LMO7: variants seen among roughly 807,000 people sequenced by gnomAD.
LMO7 encodes LIM domain only protein 7.
LMO7 carries 120 observed loss-of-function variants against 206.5 expected under a neutral mutation model. That is an observed-to-expected ratio of 0.58 (90% CI 0.50 to 0.68). The LOEUF (loss-of-function observed/expected upper bound fraction) is 0.68, where lower values mean the gene tolerates loss of function less well. LMO7 is among the 30% of genes least tolerant of loss of function. LMO7 has a pLI of 0.00. For synonymous variants in LMO7, 706 were observed against 681.5 expected (o/e 1.04, Z -0.56); for missense variants, 1,959 against 1,957.9 (o/e 1.00, Z -0.01).
At chr13:75,741,601 C>T (rs1484024861) in intron 3 of LMO7, among the ~76,000 whole-genome samples, 1 of 152,192 alleles carries the variant, frequency 6.6e-6, no homozygotes, top group Non-Finnish European at 1.5e-5. Context: ...AAATGTAATT[C>T]ATCACATAAA....
At chr13:75,760,426 C>T in intron 3 of LMO7, 1 of 1,114,972 alleles carries the variant, frequency 9.0e-7, no homozygotes. Context: ...AACCCAGATT[C>T]CAGGTGTGGT....
chr13:75,858,068 T>C lies in LMO7; in HGVS notation c.*125T>C. ...TTTTAAAAAAAAGAATAACTTTTTT[T>C]GCCTCTTTAGATTACATAGAAGCAT... On this transcript the variant is annotated 3_prime_UTR_variant, in exon 31 of 31. Coordinates refer to ENST00000377534, the MANE Select transcript of LMO7 (RefSeq NM_001306080.2). 1 of 1,158,162 alleles carries C rather than the reference T, an allele frequency of 8.6e-7. No homozygotes were observed. Among genetic ancestry groups the C allele is most frequent in the Non-Finnish European group, 1.2e-6 (1 of 808,204 alleles). The allele number at this position is 1,158,162 out of a possible 1,614,324, so 71.7% of individuals were successfully genotyped here.
chr13:75,760,108 A>T (rs1222945086), intron 3 of LMO7, among the ~76,000 whole-genome samples: 1 of 151,902 alleles, frequency 6.6e-6, no homozygotes, highest in African/African-American at 2.4e-5. Flanking sequence ...AATTCTGGTA[A>T]CCAAATGTAT....
intron 2 of LMO7, among the ~76,000 whole-genome samples, chr13:75,715,296 T>G (rs1383162262): frequency 6.6e-6 from 1 of 152,256 alleles, no homozygotes; most frequent in African/African-American, 2.4e-5. Context: ...AAAACTATTG[T>G]GAGCACAAGC....
At chr13:75,823,178 A>G (rs542539875) in intron 14 of LMO7, among the ~76,000 whole-genome samples, 26 of 152,284 alleles carry the variant, frequency 1.7e-4, no homozygotes, top group African/African-American at 6.3e-4. Flanking sequence ...TGTTCTGAAA[A>G]GCAAAATGTT....
chr13:75,678,293 T>G (rs955598925), intron 1 of LMO7, among the ~76,000 whole-genome samples: 1 of 152,238 alleles, frequency 6.6e-6, no homozygotes, highest in African/African-American at 2.4e-5. Flanking sequence ...CCATATCCTC[T>G]CCAGCACCTG....
intron 15 of LMO7, among the ~76,000 whole-genome samples, chr13:75,831,247 C>T (rs1290159936): frequency 6.6e-6 from 1 of 152,150 alleles, no homozygotes; most frequent in Admixed American, 6.6e-5. Context: ...ATCCCATACC[C>T]ACTGAGATAT....
chr13:75,838,149 C>A lies in LMO7; in HGVS notation c.3404C>A (p.Ser1135Tyr). ...SNAFESKASE[S>Y]ISLKNLKRRS... The stretch of plus-strand genomic sequence containing the variant: ...TTTTTTTTTCAACTAGCATCTGAAT[C>A]CATTTCTTTGAAAAACTTAAAAAGG... Residue 1135 changes from serine (S) to tyrosine (Y), a missense_variant, in exon 20 of 31, where the codon TCC (serine) becomes TAC (tyrosine). Coordinates refer to ENST00000377534, the MANE Select transcript of LMO7 (RefSeq NM_001306080.2). 6.3e-7 allele frequency: 1 copy of A among 1,584,012 alleles called. No individual in the cohort carries two copies. Among genetic ancestry groups the A allele is most frequent in the Non-Finnish European group, 8.7e-7 (1 of 1,153,256 alleles).
At chr13:75,711,234 C>A (rs2043089467) in intron 1 of LMO7, among the ~76,000 whole-genome samples, 1 of 152,174 alleles carries the variant, frequency 6.6e-6, no homozygotes, top group Non-Finnish European at 1.5e-5. Flanking sequence ...CATTGATGTT[C>A]ATCAGGGATA....
rs531896684 is a variant in LMO7 at position 75,743,268 on chromosome 13, A to G, written c.210+16170A>G. Among the ~76,000 whole-genome samples, 9 of 152,282 alleles carry G rather than the reference A, an allele frequency of 5.9e-5. No individual in the cohort carries two copies. In the South Asian group the frequency reaches 1.9e-3, roughly 32 times the overall value. On this transcript the variant is annotated intron_variant, in intron 3 of 30. Coordinates refer to ENST00000377534, the MANE Select transcript of LMO7 (RefSeq NM_001306080.2). Reference sequence around the variant, plus strand: ...AAAAATAAACTGTTGGTGGGAGTGTAAATTAGTTCAACCAGTGTGGGAAGC... The same window carrying G: ...AAAAATAAACTGTTGGTGGGAGTGTGAATTAGTTCAACCAGTGTGGGAAGC...
chr13:75,812,363 C>T (rs1479910913), intron 11 of LMO7, among the ~76,000 whole-genome samples: 1 of 152,168 alleles, frequency 6.6e-6, no homozygotes, highest in Non-Finnish European at 1.5e-5. Flanking sequence ...CAGAGAATTC[C>T]TATAGTACCT....
chr13:75,826,564 T>C (rs1250357610), intron 15 of LMO7, among the ~76,000 whole-genome samples: 1 of 152,216 alleles, frequency 6.6e-6, no homozygotes, highest in South Asian at 2.1e-4. Context: ...GTGATATCTC[T>C]CACTCCCTTT....
intron 11 of LMO7, among the ~76,000 whole-genome samples, chr13:75,809,512 A>G (rs1343452270): frequency 6.6e-6 from 1 of 152,244 alleles, no homozygotes; most frequent in Non-Finnish European, 1.5e-5. Context: ...TGGTTGCTAC[A>G]TAGACTAAAA....
At chr13:75,796,517 A>G (rs1454296387) in intron 5 of LMO7, 119 bp from the exon 6 acceptor site, 15 of 605,088 alleles carry the variant, frequency 2.5e-5, no homozygotes, top group East Asian at 1.4e-4. Context: ...AAGAAAGTCT[A>G]CTTTTCACTT....
At chr13:75,665,613 G>A (rs942275923) in intron 1 of LMO7, among the ~76,000 whole-genome samples, 3 of 151,516 alleles carry the variant, frequency 2.0e-5, no homozygotes, top group African/African-American at 7.3e-5. Flanking sequence ...GGCAACCTCC[G>A]CCTCCTGGGT....
chr13:75,820,167 C>G (rs1011647297), intron 13 of LMO7, among the ~76,000 whole-genome samples: 1 of 152,146 alleles, frequency 6.6e-6, no homozygotes, highest in South Asian at 2.1e-4. Flanking sequence ...TGAAATGAAA[C>G]AAAGCCACTT....
At chr13:75,750,508 GC>G (rs1181634062) in intron 3 of LMO7, among the ~76,000 whole-genome samples, 2 of 150,452 alleles carry the variant, frequency 1.3e-5, no homozygotes, top group Non-Finnish European at 2.9e-5. Context: ...TCCCACTTCA[GC>G]CTCCCAAGTA....
intron 15 of LMO7, among the ~76,000 whole-genome samples, chr13:75,826,294 G>T (rs568312766): frequency 6.6e-6 from 1 of 152,070 alleles, no homozygotes; most frequent in East Asian, 1.9e-4. Context: ...CATCCATCTT[G>T]GCCTCCAAAA....
At chr13:75,637,346 A>T (rs1217207329) in intron 1 of LMO7, among the ~76,000 whole-genome samples, 1 of 152,130 alleles carries the variant, frequency 6.6e-6, no homozygotes, top group Non-Finnish European at 1.5e-5. Flanking sequence ...TCCTAGGATC[A>T]TTCGCTGAAG....
Sources: gnomAD v4.1 joint callset for allele counts (sites outside exome capture counted in the v4.1 genomes callset) on GRCh38, gnomAD v4.1.1 for gene constraint, MANE v1.5 for transcripts, NCBI Gene and HGNC (gene_info 2026-07-23, HGNC 2026-07-21) for gene names.